Variants in CLEC4A observed in about 807,000 individuals in gnomAD.
The protein encoded by CLEC4A is C-type lectin domain family 4 member A.
In CLEC4A, 27 loss-of-function variants were observed where a neutral mutation model predicts 32.7. The ratio of observed to expected loss-of-function variants is 0.83; its 90% confidence interval spans 0.61 to 1.14. CLEC4A has a LOEUF of 1.14. CLEC4A is among the 50% of genes most tolerant of loss of function. The probability of loss-of-function intolerance (pLI) is 0.00; values close to 1 mark genes in which losing one functional copy is unlikely to be tolerated. For synonymous variants in CLEC4A, 89 were observed against 93.7 expected (o/e 0.95, Z 0.29); for missense variants, 253 against 274.6 (o/e 0.92, Z 0.55).
chr12:8,125,733 T>C, intron 2 of CLEC4A, 56 bp downstream of exon 2: 2 of 1,060,684 alleles, frequency 1.9e-6, no homozygotes. Flanking sequence ...ACAGAGGGTA[T>C]CCTTTAAAAA....
upstream of CLEC4A, chr12:8,121,255 T>C (rs1947828363): frequency 6.6e-6 from 1 of 152,244 alleles, no homozygotes. Flanking sequence ...TGAGCTTAGA[T>C]TGTAAAGACT....
the CLEC4A span, among the ~76,000 whole-genome samples, chr12:8,111,543 A>G: frequency 6.6e-6 from 1 of 152,194 alleles, no homozygotes; most frequent in Admixed American, 6.5e-5. Flanking sequence ...ATCCTTTAAT[A>G]AAATAAAAAT....
chr12:8,134,426 C>T, intron 3 of CLEC4A: 1 of 1,613,934 alleles, frequency 6.2e-7, no homozygotes, highest in Non-Finnish European at 8.5e-7. Context: ...GTTCTTTCTG[C>T]AGAGCTTTGA....
chr12:8,117,036 A>G, the CLEC4A span, among the ~76,000 whole-genome samples: 2 of 152,322 alleles, frequency 1.3e-5, no homozygotes, highest in East Asian at 3.9e-4. Flanking sequence ...TGGTCTCTTC[A>G]GCCTGCAGCT....
chr12:8,108,707 T>C, the CLEC4A span, among the ~76,000 whole-genome samples: 1 of 152,184 alleles, frequency 6.6e-6, no homozygotes, highest in Admixed American at 6.5e-5. Flanking sequence ...TACAGGGTGG[T>C]ATATTTTCAA....
intron 3 of CLEC4A, among the ~76,000 whole-genome samples, chr12:8,135,094 C>G (rs1333842811): frequency 2.3e-5 from 2 of 86,186 alleles, no homozygotes; most frequent in Admixed American, 1.7e-4. Flanking sequence ...CTGTGTTGCC[C>G]AGGCTGGTCT....
intron 3 of CLEC4A, among the ~76,000 whole-genome samples, chr12:8,129,920 C>T (rs1213538171): frequency 6.6e-6 from 1 of 152,156 alleles, no homozygotes; most frequent in South Asian, 2.1e-4. Flanking sequence ...ACTACAGCCT[C>T]GACCTCCCGG....
At chr12:8,126,993 T>G (rs1302327275) in intron 2 of CLEC4A, among the ~76,000 whole-genome samples, 6 of 152,232 alleles carry the variant, frequency 3.9e-5, no homozygotes, top group African/African-American at 1.4e-4. Flanking sequence ...CTAAAGGTTA[T>G]TTTATCAATT....
the CLEC4A span, among the ~76,000 whole-genome samples, chr12:8,110,717 C>G: frequency 6.6e-6 from 1 of 152,130 alleles, no homozygotes; most frequent in African/African-American, 2.4e-5. Flanking sequence ...TCCCTTCCTT[C>G]CCCCATCCCC....
the CLEC4A span, among the ~76,000 whole-genome samples, chr12:8,111,963 G>GTGTGTA: frequency 1.5e-3 from 221 of 142,698 alleles, 2 homozygotes; most frequent in African/African-American, 4.2e-3. Context: ...GTGTGTGTGT[G>GTGTGTA]TATTTTATTT....
chr12:8,118,110 G>A, the CLEC4A span, among the ~76,000 whole-genome samples: 1 of 152,098 alleles, frequency 6.6e-6, no homozygotes, highest in Non-Finnish European at 1.5e-5. Context: ...GAGGCAAGTG[G>A]TTACTTTCTT....
At position 8,135,688 on chromosome 12, in the gene CLEC4A, T is replaced by A; in HGVS notation, c.402T>A (p.Cys134Ter). 1 of 1,614,220 alleles carries A rather than the reference T, an allele frequency of 6.2e-7. No homozygotes were observed. Among genetic ancestry groups the A allele is most frequent in the Non-Finnish European group, 8.5e-7 (1 of 1,180,024 alleles). ...CTTGGCAAGACAGTGAGAAGGACTG[T>A]GCTAGAATGGAGGCTCACCTGCTGG... ...SASWQDSEKDCARMEAHLLVI... is the reference protein window; with the variant it reads ...SASWQDSEKD Residue 134 changes from cysteine (C) to a stop codon, truncating the protein, a stop_gained, in exon 4 of 6, where the codon TGT (cysteine) becomes TGA (stop). Coordinates refer to ENST00000229332, the MANE Select transcript of CLEC4A (RefSeq NM_016184.4). LOFTEE classifies it high-confidence loss of function.
chr12:8,111,977 TA>T, the CLEC4A span, among the ~76,000 whole-genome samples: 5 of 151,640 alleles, frequency 3.3e-5, no homozygotes, highest in African/African-American at 1.2e-4. Context: ...TTTATTTATT[TA>T]TTTTTTTTAG....
At chr12:8,119,093 T>C (rs748497640), upstream of CLEC4A, among the ~76,000 whole-genome samples, 29 of 152,364 alleles carry the variant, frequency 1.9e-4, no homozygotes, top group Middle Eastern at 3.4e-3. Flanking sequence ...ACTAATGGAC[T>C]GAGAAACTGA....
chr12:8,131,667 T>C (rs1168658486), intron 3 of CLEC4A, among the ~76,000 whole-genome samples: 4 of 152,226 alleles, frequency 2.6e-5, no homozygotes, highest in African/African-American at 9.6e-5. Context: ...ATCTGGGCAC[T>C]GTGGCCTAGA....
chr12:8,115,860 C>T, the CLEC4A span, among the ~76,000 whole-genome samples: 1 of 152,066 alleles, frequency 6.6e-6, no homozygotes, highest in Admixed American at 6.6e-5. Context: ...ACGATCACAA[C>T]TCACTGCAGC....
In CLEC4A at chr12:8,135,557, C is replaced by T. The variant is rs753764116; in HGVS notation, c.299-28C>T. The T allele has an allele frequency of 6.2e-6, 10 of 1,610,404 alleles. 1 individual carries two copies. In the Middle Eastern group the frequency reaches 6.6e-4, roughly 106 times the overall value. Reference sequence around the variant, plus strand: ...CTTTTAAGAGTGATTATTTATATTGCACGTATGTGCCCCTCTTCCCAATAC... The same window carrying T: ...CTTTTAAGAGTGATTATTTATATTGTACGTATGTGCCCCTCTTCCCAATAC... On this transcript the variant is annotated intron_variant, in intron 3 of 5. Transcript: ENST00000229332.
At chr12:8,136,653 A>G in intron 4 of CLEC4A, 135 bp from the exon 5 acceptor site, 1 of 562,630 alleles carries the variant, frequency 1.8e-6, no homozygotes, top group Non-Finnish European at 3.3e-6. Flanking sequence ...TCAGCCAGAG[A>G]TCCCCATTCC....
At chr12:8,127,667 T>C (rs1274558754) in intron 2 of CLEC4A, among the ~76,000 whole-genome samples, 2 of 152,092 alleles carry the variant, frequency 1.3e-5, no homozygotes, top group East Asian at 1.9e-4. Context: ...ATTAATTCAA[T>C]TGAGAAATAT....
Sources: gnomAD v4.1 joint callset for allele counts (sites outside exome capture counted in the v4.1 genomes callset) on GRCh38, gnomAD v4.1.1 for gene constraint, MANE v1.5 for transcripts, NCBI Gene and HGNC (gene_info 2026-07-23, HGNC 2026-07-21) for gene names.